Variants in SHOX observed in about 807,000 individuals in gnomAD.
The protein encoded by SHOX is SHOX homeobox, also known as short stature homeobox protein.
Under a neutral mutation model 29.6 loss-of-function variants are expected in SHOX, and 12 were observed. The observed-to-expected ratio is 0.41, with a 90% CI of 0.26 to 0.66. SHOX has a LOEUF of 0.66. Among genes scored for constraint, SHOX ranks in the 30% least tolerant of loss-of-function variants. SHOX has a pLI of 0.35. For missense variants in SHOX, 499 were observed against 437.7 expected (o/e 1.14, Z -1.25); for synonymous variants, 214 against 200.6 (o/e 1.07, Z -0.57).
chrX:634,530 C>A (rs539831461), intron 1 of SHOX, 88 bp from the exon 2 acceptor site: 2 of 1,427,830 alleles, frequency 1.4e-6, no homozygotes, highest in South Asian at 1.2e-5. Flanking sequence ...TCGAGGGCCC[C>A]CTTTCCACCG....
intron 1 of SHOX, chrX:631,826 C>T: frequency 4.5e-6 from 2 of 445,046 alleles, no homozygotes; most frequent in South Asian, 1.6e-5. Context: ...GGCACCGCGC[C>T]CGGCCTGGGT....
At chrX:635,108 T>A (rs28683770) in intron 2 of SHOX, among the ~76,000 whole-genome samples, 1 of 151,816 alleles carries the variant, frequency 6.6e-6, no homozygotes, top group Non-Finnish European at 1.5e-5. Context: ...ATGGGTATAT[T>A]GTATATATTA....
At position 650,363 on chromosome X, in the gene SHOX, G is replaced by T. The variant is rs2053036393; in HGVS notation, c.*5727G>T. On this transcript the variant is annotated 3_prime_UTR_variant, in exon 5 of 5. Coordinates refer to ENST00000686671, the MANE Select transcript of SHOX (RefSeq NM_000451.4). ...CAAAGTCCAGCCAGGCCCCCGAAAT[G>T]GTCCCATTTCCTTGGAAGCCTGAGT... Among the ~76,000 whole-genome samples the T allele has an allele frequency of 6.6e-6, 1 of 152,016 alleles. No individual in the cohort carries two copies. Among genetic ancestry groups the T allele is most frequent in the African/African-American group, 2.4e-5 (1 of 41,400 alleles).
downstream of SHOX, among the ~76,000 whole-genome samples, chrX:655,858 C>G (rs1399756685): frequency 9.2e-5 from 14 of 151,898 alleles, no homozygotes; most frequent in Non-Finnish European, 1.9e-4. Context: ...GAAAGGAGAC[C>G]AGGATTTGTA....
intron 4 of SHOX, among the ~76,000 whole-genome samples, chrX:643,995 C>T (rs192253828): frequency 1.7e-5 from 1 of 60,068 alleles, no homozygotes; most frequent in Non-Finnish European, 3.9e-5. Flanking sequence ...GACCTGGGGA[C>T]CCGGGAGAGG....
chrX:636,180 AAT>A (rs1195646735), intron 2 of SHOX, among the ~76,000 whole-genome samples: 1 of 147,502 alleles, frequency 6.8e-6, no homozygotes, highest in Non-Finnish European at 1.5e-5. Flanking sequence ...AATGTATGTA[AAT>A]ATATATAATC....
At position 651,303 on chromosome X, in the gene SHOX, G is replaced by C. The variant is rs1368256841; in HGVS notation, c.*6667G>C. The stretch of plus-strand genomic sequence containing the variant: ...ACAGATATTTTCAGGGATTGCTTCA[G>C]ATGAAAACAAATCACACACCGTTTC... On this transcript the variant is annotated 3_prime_UTR_variant, in exon 5 of 5. Coordinates refer to ENST00000686671, the MANE Select transcript of SHOX (RefSeq NM_000451.4). 2.2e-6 allele frequency: 1 copy of C among 455,344 alleles called. No individual in the cohort carries two copies. Among genetic ancestry groups the C allele is most frequent in the African/African-American group, 2.0e-5 (1 of 49,860 alleles). The allele number at this position is 455,344 out of a possible 1,614,324, so 28.2% of individuals were successfully genotyped here.
At chrX:629,409 C>G (rs984297380), upstream of SHOX, among the ~76,000 whole-genome samples, 1 of 151,880 alleles carries the variant, frequency 6.6e-6, no homozygotes, top group East Asian at 1.9e-4. Flanking sequence ...CTCCATCTCT[C>G]TCCGTCTTTC....
At chrX:636,082 A>G (rs1484371382) in intron 2 of SHOX, among the ~76,000 whole-genome samples, 2 of 151,856 alleles carry the variant, frequency 1.3e-5, no homozygotes, top group East Asian at 1.9e-4. Context: ...AGAGGAAGAT[A>G]CAGATGCATT....
Position 644,705 on chromosome X carries a change from G to T in SHOX, c.*69G>T, listed in dbSNP as rs774575867. On this transcript the variant is annotated 3_prime_UTR_variant, in exon 5 of 5. Coordinates refer to ENST00000686671, the MANE Select transcript of SHOX (RefSeq NM_000451.4). ...GCACCCCGCCTGCACCGCGCGTCCTGCACTCAACCCCGCCTGGAGCTCCTT... is the reference window on the plus strand; with the variant it reads ...GCACCCCGCCTGCACCGCGCGTCCTTCACTCAACCCCGCCTGGAGCTCCTT... 6.6e-6 allele frequency: 9 copies of T among 1,356,486 alleles called. No individual in the cohort carries two copies. The South Asian group carries it at 9.0e-5, about 14-fold the overall frequency. 84.0% of individuals were successfully genotyped at this position (1,356,486 alleles called of 1,614,324 possible).
intron 1 of SHOX, among the ~76,000 whole-genome samples, chrX:624,851 C>CTCTTTCTTTCTTT (rs779550708): frequency 0.076 from 8,629 of 113,128 alleles, 552 homozygotes; most frequent in East Asian, 0.16. Context: ...TCCTCTCTTC[C>CTCTTTCTTTCTTT]TCTTTCTTTC....
At position 649,932 on chromosome X, in the gene SHOX, G is replaced by C. The variant is rs752932218; in HGVS notation, c.*5296G>C. Reference sequence around the variant, plus strand: ...TTTTCTCTCTCTTTTCTCTCTCTCTGACTGCGAAGCACCCACAGGGAGAAG... The same window carrying C: ...TTTTCTCTCTCTTTTCTCTCTCTCTCACTGCGAAGCACCCACAGGGAGAAG... On this transcript the variant is annotated 3_prime_UTR_variant, in exon 5 of 5. Transcript: ENST00000686671. 4 of 456,012 alleles carry C rather than the reference G, an allele frequency of 8.8e-6. No individual in the cohort carries two copies. Among genetic ancestry groups the C allele is most frequent in the African/African-American group, 8.0e-5 (4 of 50,174 alleles). 28.2% of individuals were successfully genotyped at this position (456,012 alleles called of 1,614,324 possible).
At chrX:644,098 C>T (rs1479995783) in intron 4 of SHOX, among the ~76,000 whole-genome samples, 1 of 152,094 alleles carries the variant, frequency 6.6e-6, no homozygotes, top group Non-Finnish European at 1.5e-5. Flanking sequence ...GCGAAGAGAG[C>T]GCATCGGGAG....
rs1266301946 is a variant in SHOX at position 649,918 on chromosome X, T to C, written c.*5282T>C. On this transcript the variant is annotated 3_prime_UTR_variant, in exon 5 of 5. Coordinates refer to ENST00000686671, the MANE Select transcript of SHOX (RefSeq NM_000451.4). ...TCTGACATATCCACTTTTCTCTCTC[T>C]TTTCTCTCTCTCTGACTGCGAAGCA... 2.2e-6 allele frequency: 1 copy of C among 455,958 alleles called. No homozygotes were observed. The highest frequency in any genetic ancestry group is 4.4e-6 in the Non-Finnish European group (1 of 226,806). 28.2% of individuals were successfully genotyped at this position (455,958 alleles called of 1,614,324 possible). A position where few individuals can be genotyped will look rare whatever the true frequency, so the allele number is the denominator to read the frequency against.
In SHOX at chrX:646,243, C is replaced by T. The variant is rs1393280112; in HGVS notation, c.*1607C>T. The T allele has an allele frequency of 6.6e-6, 1 of 152,084 alleles. No individual in the cohort carries two copies. The highest frequency in any genetic ancestry group is 1.5e-5 in the Non-Finnish European group (1 of 68,034). 9.4% of individuals were successfully genotyped at this position (152,084 alleles called of 1,614,324 possible). On this transcript the variant is annotated 3_prime_UTR_variant, in exon 5 of 5. Transcript: ENST00000686671. Reference sequence around the variant, plus strand: ...GGACAGTTGCTTGAAATGACCTAACCAAAAACATTCAAGGGTTCTGCCCCC... The same window carrying T: ...GGACAGTTGCTTGAAATGACCTAACTAAAAACATTCAAGGGTTCTGCCCCC...
chrX:626,980 GTC>G (rs750542778), upstream of SHOX, among the ~76,000 whole-genome samples: 8 of 139,804 alleles, frequency 5.7e-5, no homozygotes, highest in South Asian at 2.3e-4. Context: ...GTCTACCTCT[GTC>G]TCTCTCTCTC....
At chrX:652,971 G>T (rs1207018376), downstream of SHOX, among the ~76,000 whole-genome samples, 1 of 152,126 alleles carries the variant, frequency 6.6e-6, no homozygotes, top group Non-Finnish European at 1.5e-5. Flanking sequence ...GCGCAGTGTG[G>T]CTCTCACGCC....
At chrX:634,578 C>T (rs371097890) in intron 1 of SHOX, 40 bp from the exon 2 acceptor site, 2 of 1,606,722 alleles carry the variant, frequency 1.2e-6, no homozygotes, top group Non-Finnish European at 1.7e-6. Flanking sequence ...TGCGCAAAAC[C>T]TCCCCGGCCT....
intron 2 of SHOX, 22 bp from the exon 3 acceptor site, chrX:640,799 T>C: frequency 1.2e-6 from 2 of 1,613,586 alleles, no homozygotes; most frequent in Non-Finnish European, 1.7e-6. Context: ...GCTCTTCACA[T>C]CTCTCTCTGC....
Sources: gnomAD v4.1 joint callset for allele counts (sites outside exome capture counted in the v4.1 genomes callset) on GRCh38, gnomAD v4.1.1 for gene constraint, MANE v1.5 for transcripts, NCBI Gene and HGNC (gene_info 2026-07-23, HGNC 2026-07-21) for gene names.